The following SKAP1 variants were observed in gnomAD, a reference collection of about 807,000 sequenced individuals.
The protein encoded by SKAP1 is src kinase associated phosphoprotein 1.
A neutral mutation model predicts 58.5 loss-of-function variants in SKAP1; 44 were observed. The observed-to-expected ratio is 0.75, with a 90% confidence interval of 0.59 to 0.97. SKAP1 has a LOEUF of 0.97. Among genes scored for constraint, SKAP1 ranks in the 50% least tolerant of loss-of-function variants. The pLI is 0.00. For missense variants in SKAP1, 390 were observed against 435.2 expected, an observed-to-expected ratio of 0.90 and a Z score of 0.92; for synonymous variants, 127 against 149.7, an observed-to-expected ratio of 0.85 and a Z score of 1.11.
chr17:48,253,928 C>T (rs1567839741), intron 4 of SKAP1, among the ~76,000 whole-genome samples: 2 of 152,040 alleles, frequency 1.3e-5, no homozygotes, highest in African/African-American at 4.8e-5. Flanking sequence ...CCTTTTTCAG[C>T]TTTTATGGAA....
intron 4 of SKAP1, among the ~76,000 whole-genome samples, chr17:48,257,555 T>A (rs2065436750): frequency 6.6e-6 from 1 of 152,024 alleles, no homozygotes; most frequent in South Asian, 2.1e-4. Context: ...TTCAGAAAAT[T>A]TGTCGGAAAC....
At chr17:48,256,276 T>A (rs1567840668) in intron 4 of SKAP1, among the ~76,000 whole-genome samples, 1 of 152,046 alleles carries the variant, frequency 6.6e-6, no homozygotes, top group Non-Finnish European at 1.5e-5. Context: ...ATCAATCCCA[T>A]GTAAACTTTA....
At chr17:48,148,239 G>A (rs1409725006) in intron 11 of SKAP1, among the ~76,000 whole-genome samples, 2 of 152,180 alleles carry the variant, frequency 1.3e-5, no homozygotes, top group Non-Finnish European at 2.9e-5. Context: ...AAGTGTATGT[G>A]ACAGAACAAT....
At chr17:48,188,004 A>T in intron 5 of SKAP1, 78 bp from the exon 6 acceptor site, 1 of 1,006,666 alleles carries the variant, frequency 9.9e-7, no homozygotes, top group Non-Finnish European at 1.6e-6. Context: ...AACAACATAC[A>T]GTCCAGTGTG....
chr17:48,158,177 CAAAAA>C (rs55933327), intron 11 of SKAP1, among the ~76,000 whole-genome samples: 4,368 of 106,250 alleles, frequency 0.041, 86 homozygotes, highest in African/African-American at 0.063. Context: ...AACTCTGTCT[CAAAAA>C]AAAAAAAAAA....
At chr17:48,283,682 T>G (rs944302217) in intron 4 of SKAP1, among the ~76,000 whole-genome samples, 1 of 152,228 alleles carries the variant, frequency 6.6e-6, no homozygotes, top group Non-Finnish European at 1.5e-5. Context: ...TCTTCTGAAG[T>G]GAGCGACGGC....
chr17:48,228,133 CAT>C (rs1459410675), intron 4 of SKAP1, among the ~76,000 whole-genome samples: 1 of 151,292 alleles, frequency 6.6e-6, no homozygotes, highest in Non-Finnish European at 1.5e-5. Context: ...TTGCAGGAAA[CAT>C]AATTATATAA....
rs545671402 is a variant in SKAP1, at chr17:48,249,606, C to A, written c.281-60106G>T. ...GGAGAATCATCTGAACCCCGGAAGT[C>A]GAGGCTGCTGTGAACCATGATCATG... On this transcript the variant is annotated intron_variant, in intron 4 of 12. Coordinates refer to ENST00000336915, the MANE Select transcript of SKAP1 (RefSeq NM_003726.4). 2.1e-3 allele frequency among the ~76,000 whole-genome samples: 317 copies of A among 151,784 alleles called. 2 individuals are homozygous for A. Among genetic ancestry groups the A allele is most frequent in the African/African-American group, 7.4e-3 (305 of 41,380 alleles).
At chr17:48,170,987 G>T (rs547824723) in intron 9 of SKAP1, among the ~76,000 whole-genome samples, 1 of 151,584 alleles carries the variant, frequency 6.6e-6, no homozygotes, top group Non-Finnish European at 1.5e-5. Context: ...GATTACAGGT[G>T]TGAGCTACTG....
chr17:48,331,869 G>C (rs1330783025), intron 4 of SKAP1, among the ~76,000 whole-genome samples: 1 of 152,064 alleles, frequency 6.6e-6, no homozygotes, highest in African/African-American at 2.4e-5. Flanking sequence ...TTGAACATCT[G>C]ACTTTTTAAA....
At chr17:48,241,321 T>A (rs908466169) in intron 4 of SKAP1, among the ~76,000 whole-genome samples, 1 of 152,186 alleles carries the variant, frequency 6.6e-6, no homozygotes, top group Non-Finnish European at 1.5e-5. Flanking sequence ...TGTCTCTGTG[T>A]CCATATGTAT....
intron 4 of SKAP1, among the ~76,000 whole-genome samples, chr17:48,192,180 T>TA (rs11409890): frequency 0.49 from 73,028 of 148,970 alleles, 18,026 homozygotes; most frequent in South Asian, 0.57. Context: ...CTCTGCCTCT[T>TA]AAAAAAAAAA....
chr17:48,213,364 A>G (rs2143686504), intron 4 of SKAP1, among the ~76,000 whole-genome samples: 1 of 151,932 alleles, frequency 6.6e-6, no homozygotes, highest in East Asian at 1.9e-4. Context: ...AAAAAAAAAA[A>G]AAAAAGCTGT....
intron 4 of SKAP1, among the ~76,000 whole-genome samples, chr17:48,252,740 GTGTGTGTGTGTGTGTA>G (rs2065378845): frequency 6.7e-6 from 1 of 150,252 alleles, no homozygotes; most frequent in Admixed American, 6.6e-5. Flanking sequence ...GTGTGTGTGT[GTGTGTGTGTGTGTGTA>G]TGTGCTCATG....
intron 4 of SKAP1, among the ~76,000 whole-genome samples, chr17:48,302,055 C>T (rs543238704): frequency 1.1e-3 from 160 of 152,196 alleles, no homozygotes; most frequent in African/African-American, 3.5e-3. Context: ...CGTAAAATAG[C>T]GTATCATAAT....
At chr17:48,160,615 A>T (rs906094672) in intron 11 of SKAP1, among the ~76,000 whole-genome samples, 3 of 152,178 alleles carry the variant, frequency 2.0e-5, no homozygotes, top group African/African-American at 7.2e-5. Context: ...GAGGAAAGGG[A>T]CCCCCAGTGA....
intron 4 of SKAP1, among the ~76,000 whole-genome samples, chr17:48,280,072 T>G (rs2065747834): frequency 6.6e-6 from 1 of 152,208 alleles, no homozygotes; most frequent in South Asian, 2.1e-4. Flanking sequence ...AAAGCAATAA[T>G]AATAAGCTTG....
rs1464789463 is a variant in SKAP1, at chr17:48,171,215, G to A, written c.827-556C>T. Among the ~76,000 whole-genome samples the A allele has an allele frequency of 2.1e-5, 3 of 140,008 alleles. No individual in the cohort carries two copies. In the South Asian group the frequency reaches 7.2e-4, roughly 33 times the overall value. 91.9% of individuals were successfully genotyped at this position (140,008 alleles called of 152,430 possible). ...CTTCCGGGTTCAAGCTATTCTTCCC[G>A]AGTAGCTCAGCCTCCCGAGTAGCTG... On this transcript the variant is annotated intron_variant, in intron 9 of 12. Coordinates refer to ENST00000336915, the MANE Select transcript of SKAP1 (RefSeq NM_003726.4).
At chr17:48,156,716 G>T (rs1014272814) in intron 11 of SKAP1, among the ~76,000 whole-genome samples, 1 of 152,244 alleles carries the variant, frequency 6.6e-6, no homozygotes, top group Non-Finnish European at 1.5e-5. Flanking sequence ...ATGCAGGGAG[G>T]TCAGTGGGAG....
Sources: gnomAD v4.1 joint callset for allele counts (sites outside exome capture counted in the v4.1 genomes callset) on GRCh38, gnomAD v4.1.1 for gene constraint, MANE v1.5 for transcripts, NCBI Gene and HGNC (gene_info 2026-07-23, HGNC 2026-07-21) for gene names.